GET1: variants seen among roughly 807,000 people sequenced by gnomAD.
GET1 encodes congenital heart disease 5 protein.
A neutral mutation model predicts 22.6 loss-of-function variants in GET1; 20 were observed. That is an observed-to-expected ratio of 0.89 (90% CI 0.62 to 1.29). The LOEUF (loss-of-function observed/expected upper bound fraction) is 1.29, where lower values mean the gene tolerates loss of function less well. Ranked by LOEUF, GET1 falls within the 50% of genes most tolerant of loss-of-function variation. GET1 has a pLI of 0.00. For synonymous variants in GET1, 92 were observed against 83.8 expected, an observed-to-expected ratio of 1.10 and a Z score of -0.53; for missense variants, 209 against 219.9, an observed-to-expected ratio of 0.95 and a Z score of 0.31.
chr21:39,410,920 T>A (rs1315139000), downstream of GET1: 5 of 470,732 alleles, frequency 1.1e-5, no homozygotes, highest in South Asian at 4.6e-5. Flanking sequence ...TGTAGCTACT[T>A]CTTCTAATAA....
At position 39,381,707 on chromosome 21, in the gene GET1, G is replaced by A. The variant is rs149591245; in HGVS notation, c.102+1221G>A. On this transcript the variant is annotated intron_variant, in intron 1 of 4. Coordinates refer to ENST00000649170, the MANE Select transcript of GET1 (RefSeq NM_004627.6). ...TTATCATTTTTAGGTGTACAGTTCAGTGGCATTAAGTACATTCACATTTTT... is the reference window on the plus strand; with the variant it reads ...TTATCATTTTTAGGTGTACAGTTCAATGGCATTAAGTACATTCACATTTTT... Among the ~76,000 whole-genome samples, 1,395 of 152,240 alleles carry A rather than the reference G, an allele frequency of 9.2e-3. 17 individuals carry two copies. Among genetic ancestry groups the A allele is most frequent in the African/African-American group, 0.027 (1,138 of 41,518 alleles).
At chr21:39,427,791 G>GAT (rs537142583) in intron 1 of GET1, 224 of 156,558 alleles carry the variant, frequency 1.4e-3, no homozygotes, top group South Asian at 2.9e-3. Context: ...GGGGTGCTGA[G>GAT]ATAGGTATTT....
At chr21:39,423,345 A>C in intron 1 of GET1, 1 of 1,612,940 alleles carries the variant, frequency 6.2e-7, no homozygotes, top group Non-Finnish European at 8.5e-7. Flanking sequence ...CAGCTAATTC[A>C]TTTTTTAGTC....
intron 1 of GET1, among the ~76,000 whole-genome samples, chr21:39,416,078 CCTT>C (rs1255227233): frequency 3.3e-5 from 5 of 152,152 alleles, no homozygotes; most frequent in African/African-American, 9.7e-5. Context: ...TCCTGTCATT[CCTT>C]CTTCATTATT....
At position 39,387,969 on chromosome 21, in the gene GET1, C is replaced by G. The variant is rs931984207; in HGVS notation, c.103-2729C>G. The G allele has an allele frequency of 5.0e-6, 3 of 598,942 alleles. No homozygotes were observed. The African/African-American group carries it at 6.1e-5, about 12-fold the overall frequency. 37.1% of individuals were successfully genotyped at this position (598,942 alleles called of 1,614,324 possible). On this transcript the variant is annotated intron_variant, in intron 1 of 4. Coordinates refer to ENST00000649170, the MANE Select transcript of GET1 (RefSeq NM_004627.6). ...TATTTTTAAAATTTCGAAACAAACA[C>G]AAATGTGCAGAAAAGTTATATACAG...
chr21:39,381,131 G>GC (rs2037531715), intron 1 of GET1, among the ~76,000 whole-genome samples: 1 of 152,136 alleles, frequency 6.6e-6, no homozygotes, highest in South Asian at 2.1e-4. Flanking sequence ...TTTAGTGGTG[G>GC]CACTAAGTCA....
Position 39,390,697 on chromosome 21 carries a change from G to A in GET1, c.103-1G>A, listed in dbSNP as rs941709335. ...CTGATCCCCGTTGTCCGCCCTGCCA[G>A]ATGTCCAGGGTGCTGCAGAAGGACG... On this transcript the variant is annotated splice_acceptor_variant, in intron 1 of 4. Transcript: ENST00000649170. LOFTEE classifies it high-confidence loss of function. 6.2e-7 allele frequency: 1 copy of A among 1,613,988 alleles called. No homozygotes were observed. The highest frequency in any genetic ancestry group is 1.3e-5 in the African/African-American group (1 of 74,934).
At position 39,380,494 on chromosome 21, in the gene GET1, G is replaced by A. The variant is rs376951797; in HGVS notation, c.102+8G>A. 2.5e-6 allele frequency: 4 copies of A among 1,607,954 alleles called. No individual in the cohort carries two copies. The African/African-American group carries it at 5.3e-5, about 21-fold the overall frequency. On this transcript the variant is annotated splice_region_variant and intron_variant, in intron 1 of 4. Coordinates refer to ENST00000649170, the MANE Select transcript of GET1 (RefSeq NM_004627.6). ...CCGTCCTTCTCATCCTTCGTAAGTG[G>A]CTGCCTGGCCTCCCAAGGGCCGGTG...
chr21:39,404,048 G>A (rs1054165565), intron 4 of GET1, among the ~76,000 whole-genome samples: 2 of 152,184 alleles, frequency 1.3e-5, no homozygotes, highest in African/African-American at 2.4e-5. Context: ...TCAGCCTTCC[G>A]GGTAGCTGCC....
At chr21:39,423,459 G>T in intron 1 of GET1, 1 of 1,569,772 alleles carries the variant, frequency 6.4e-7, no homozygotes, top group Non-Finnish European at 8.6e-7. Context: ...CATTCCAGGT[G>T]TGCTTTTTTT....
chr21:39,410,290 AT>A (rs2039867256), downstream of GET1: 3 of 1,609,112 alleles, frequency 1.9e-6, no homozygotes, highest in Admixed American at 1.7e-5. Flanking sequence ...GGAACATCTG[AT>A]TTTTGGGTTC....
chr21:39,419,052 AAAATTT>A (rs926163502), intron 1 of GET1, among the ~76,000 whole-genome samples: 1 of 152,056 alleles, frequency 6.6e-6, no homozygotes, highest in Non-Finnish European at 1.5e-5. Context: ...TTACAAAGGG[AAAATTT>A]TCTTTCTTTC....
intron 1 of GET1, chr21:39,411,681 T>G: frequency 8.8e-7 from 1 of 1,138,376 alleles, no homozygotes; most frequent in Non-Finnish European, 1.3e-6. Context: ...ACTAGATACT[T>G]AAAAATAGAT....
chr21:39,424,825 T>C (rs2837022), intron 1 of GET1, among the ~76,000 whole-genome samples: 13,701 of 152,292 alleles, frequency 0.09, 799 homozygotes, highest in South Asian at 0.13. Context: ...AAAAAGTCTC[T>C]AAAAATTATC....
At chr21:39,414,742 C>CTCTCTGTGTGTG (rs1341489035) in intron 1 of GET1, among the ~76,000 whole-genome samples, 7 of 99,234 alleles carry the variant, frequency 7.1e-5, no homozygotes, top group East Asian at 2.9e-4. Context: ...CTCTCTCTCT[C>CTCTCTGTGTGTG]TGTGTGTGTG....
intron 1 of GET1, among the ~76,000 whole-genome samples, chr21:39,425,577 C>T (rs912941132): frequency 2.6e-5 from 4 of 152,108 alleles, no homozygotes; most frequent in South Asian, 2.1e-4. Flanking sequence ...AGAAGGCCTG[C>T]GAAGAGGTGT....
downstream of GET1, among the ~76,000 whole-genome samples, chr21:39,406,960 C>T (rs1012904966): frequency 7.9e-5 from 12 of 152,216 alleles, no homozygotes; most frequent in African/African-American, 2.9e-4. Flanking sequence ...GGTGCAGTGG[C>T]TCACACCTGT....
chr21:39,395,561 A>C (rs1208265248), intron 4 of GET1, among the ~76,000 whole-genome samples: 3 of 151,852 alleles, frequency 2.0e-5, no homozygotes, highest in Admixed American at 6.6e-5. Flanking sequence ...ACAGGGTTTC[A>C]CCATGTTGGC....
intron 1 of GET1, chr21:39,422,931 A>C (rs1174373174): frequency 1.9e-6 from 3 of 1,567,128 alleles, no homozygotes; most frequent in Admixed American, 1.8e-5. Flanking sequence ...CCCTCTCTCT[A>C]TTAACTTTGG....
Sources: gnomAD v4.1 joint callset for allele counts (sites outside exome capture counted in the v4.1 genomes callset) on GRCh38, gnomAD v4.1.1 for gene constraint, MANE v1.5 for transcripts, NCBI Gene and HGNC (gene_info 2026-07-23, HGNC 2026-07-21) for gene names.